The following FAM3B variants were observed in gnomAD, a reference collection of about 807,000 sequenced individuals.
FAM3B encodes the protein FAM3 metabolism regulating signaling molecule B.
FAM3B carries 29 observed loss-of-function variants against 28.4 expected under a neutral mutation model. The ratio of observed to expected loss-of-function variants is 1.02; its 90% CI spans 0.76 to 1.39. The LOEUF is 1.39. Ranked by LOEUF, FAM3B falls within the 40% of genes most tolerant of loss-of-function variation. The pLI, the probability that FAM3B is intolerant of heterozygous loss-of-function variation, is 0.00. For missense variants in FAM3B, 266 were observed against 293.9 expected (o/e 0.91, Z 0.69); for synonymous variants, 91 against 103.0 (o/e 0.88, Z 0.71).
chr21:41,334,403 C>T (rs748670816), intron 2 of FAM3B, among the ~76,000 whole-genome samples: 1 of 152,168 alleles, frequency 6.6e-6, no homozygotes, highest in Non-Finnish European at 1.5e-5. Context: ...CCCCAGGGCC[C>T]CACTAACCTG....
chr21:41,339,545 C>G (rs2088985321), intron 3 of FAM3B, among the ~76,000 whole-genome samples: 1 of 152,184 alleles, frequency 6.6e-6, no homozygotes, highest in Non-Finnish European at 1.5e-5. Context: ...ATTTACAATT[C>G]AAATTCAACA....
At chr21:41,312,741 G>A (rs2088722364), upstream of FAM3B, among the ~76,000 whole-genome samples, 3 of 152,032 alleles carry the variant, frequency 2.0e-5, no homozygotes, top group Non-Finnish European at 4.4e-5. Context: ...GTGTGTGTGT[G>A]TGTGTGTGTG....
At chr21:41,336,742 T>C (rs1178947015) in intron 2 of FAM3B, among the ~76,000 whole-genome samples, 1 of 152,236 alleles carries the variant, frequency 6.6e-6, no homozygotes, top group East Asian at 1.9e-4. Context: ...TTTTTGCATT[T>C]AGGTGCTCTG....
chr21:41,356,572 C>T (rs1391389904), intron 7 of FAM3B, among the ~76,000 whole-genome samples: 1 of 152,170 alleles, frequency 6.6e-6, no homozygotes, highest in Admixed American at 6.5e-5. Context: ...AGTTGGGGAC[C>T]ATCTGTACTC....
intron 2 of FAM3B, among the ~76,000 whole-genome samples, chr21:41,332,181 A>G (rs573127351): frequency 7.9e-5 from 12 of 152,304 alleles, no homozygotes; most frequent in Non-Finnish European, 1.3e-4. Flanking sequence ...TGTTTTCACC[A>G]TGTGACATGC....
intron 1 of FAM3B, among the ~76,000 whole-genome samples, chr21:41,306,503 G>A (rs1394088281): frequency 6.6e-6 from 1 of 152,226 alleles, no homozygotes; most frequent in Non-Finnish European, 1.5e-5. Context: ...TCCAAGGGCT[G>A]CAGAATGGAT....
intron 3 of FAM3B, among the ~76,000 whole-genome samples, chr21:41,340,035 A>G (rs1045104826): frequency 6.6e-6 from 1 of 152,118 alleles, no homozygotes; most frequent in Non-Finnish European, 1.5e-5. Flanking sequence ...TGCTGGTATC[A>G]GTCTTGGAGT....
chr21:41,330,674 G>A (rs1397109760), intron 2 of FAM3B, among the ~76,000 whole-genome samples: 1 of 152,148 alleles, frequency 6.6e-6, no homozygotes. Context: ...TTCCACATGT[G>A]GGTGAGAACA....
At chr21:41,357,054 A>C (rs112610627) in intron 7 of FAM3B, 54 bp from the exon 8 acceptor site, 4 of 1,377,990 alleles carry the variant, frequency 2.9e-6, no homozygotes, top group African/African-American at 2.9e-5. Flanking sequence ...ATACTGATTA[A>C]ATACTTGTTT....
At chr21:41,321,081 G>C (rs1601350430) in intron 1 of FAM3B, 1 of 152,178 alleles carries the variant, frequency 6.6e-6, no homozygotes, top group African/African-American at 2.4e-5. Flanking sequence ...AACATTGTCT[G>C]GTTAGCCAGT....
intron 1 of FAM3B, among the ~76,000 whole-genome samples, chr21:41,308,138 G>C (rs539200375): frequency 6.6e-6 from 1 of 152,148 alleles, no homozygotes; most frequent in Non-Finnish European, 1.5e-5. Flanking sequence ...TTTTTCTCTT[G>C]ATGTCTTATG....
At chr21:41,306,486 T>A (rs1347917535) in intron 1 of FAM3B, among the ~76,000 whole-genome samples, 1 of 152,250 alleles carries the variant, frequency 6.6e-6, no homozygotes, top group Middle Eastern at 3.2e-3. Context: ...TCAAAATTAC[T>A]CTTTGATCCA....
chr21:41,336,416 G>C (rs1470993554), intron 2 of FAM3B, among the ~76,000 whole-genome samples: 1 of 152,168 alleles, frequency 6.6e-6, no homozygotes, highest in African/African-American at 2.4e-5. Flanking sequence ...CAGCTACTTG[G>C]GAGGGTGAGG....
intron 2 of FAM3B, among the ~76,000 whole-genome samples, chr21:41,337,384 G>A (rs1439440340): frequency 1.3e-5 from 2 of 152,220 alleles, no homozygotes; most frequent in African/African-American, 4.8e-5. Flanking sequence ...TGGGGGCTGT[G>A]GGGGCATGGG....
intron 3 of FAM3B, among the ~76,000 whole-genome samples, chr21:41,344,201 CT>C (rs2089034858): frequency 6.6e-6 from 1 of 152,232 alleles, no homozygotes; most frequent in East Asian, 1.9e-4. Context: ...TTTCTTCCCC[CT>C]AGCCATTTGT....
intron 2 of FAM3B, among the ~76,000 whole-genome samples, chr21:41,330,151 A>C (rs201436007): frequency 6.6e-6 from 1 of 150,434 alleles, no homozygotes; most frequent in African/African-American, 2.5e-5. Context: ...AAAAAAAAAA[A>C]CATAATACAG....
chr21:41,337,487 A>T (rs1444887046), intron 2 of FAM3B, among the ~76,000 whole-genome samples: 3 of 152,222 alleles, frequency 2.0e-5, no homozygotes, highest in African/African-American at 7.2e-5. Context: ...TGAAATAAGG[A>T]TGCTGATGCT....
At chr21:41,305,353 T>A (rs2088677939) in intron 1 of FAM3B, among the ~76,000 whole-genome samples, 1 of 152,218 alleles carries the variant, frequency 6.6e-6, no homozygotes, top group Non-Finnish European at 1.5e-5. Context: ...TACCAACACG[T>A]GGCCACTCAG....
chr21:41,322,705 GA>G (rs2088817781), intron 1 of FAM3B: 2 of 734,202 alleles, frequency 2.7e-6, no homozygotes, highest in Non-Finnish European at 5.0e-6. Context: ...ACTTGCCCTG[GA>G]AAGCATTCCT....
Sources: allele counts gnomAD v4.1 joint callset (sites outside exome capture counted in the v4.1 genomes callset), GRCh38; gene constraint gnomAD v4.1.1; transcripts MANE v1.5; gene names NCBI Gene and HGNC (gene_info 2026-07-23, HGNC 2026-07-21).